CFAP47: variants seen among roughly 807,000 people sequenced by gnomAD.
CFAP47 encodes cilia- and flagella-associated protein 47.
CFAP47 carries 29 observed loss-of-function variants against 148.1 expected under a neutral mutation model. The ratio of observed to expected loss-of-function variants is 0.20; its 90% CI spans 0.15 to 0.27. The LOEUF is 0.27. Among genes scored for constraint, CFAP47 ranks in the 10% least tolerant of loss-of-function variants. The probability of loss-of-function intolerance (pLI) is 1.00; values close to 1 mark genes in which losing one functional copy is unlikely to be tolerated. For synonymous variants in CFAP47, 664 were observed against 577.3 expected, an observed-to-expected ratio of 1.15 and a Z score of -2.15; for missense variants, 1,872 against 1,697.5, an observed-to-expected ratio of 1.10 and a Z score of -1.81.
At chrX:36,115,285 AT>A (rs1938621129) in intron 33 of CFAP47, among the ~76,000 whole-genome samples, 1 of 112,053 alleles carries the variant, frequency 8.9e-6, no homozygotes, top group Non-Finnish European at 1.9e-5. Flanking sequence ...ATTAGCAAAA[AT>A]AAAAAATCAT....
intron 57 of CFAP47, among the ~76,000 whole-genome samples, chrX:36,334,025 A>C (rs1326411031): frequency 1.8e-5 from 2 of 111,653 alleles, no homozygotes; most frequent in Admixed American, 1.9e-4. Context: ...AATGTGCTGA[A>C]AGGGATCACA....
intron 13 of CFAP47, among the ~76,000 whole-genome samples, chrX:35,974,124 A>C (rs1936534810): frequency 8.9e-6 from 1 of 111,771 alleles, no homozygotes. Context: ...AACCAGGTTA[A>C]GTAGATCGAG....
chrX:36,285,273 C>T (rs1941120611), intron 50 of CFAP47, among the ~76,000 whole-genome samples: 1 of 111,255 alleles, frequency 9.0e-6, no homozygotes, highest in African/African-American at 3.3e-5. Context: ...TGTACAAATA[C>T]ATGAATAGTT....
chrX:36,359,712 C>T (rs1218216907), intron 60 of CFAP47, among the ~76,000 whole-genome samples: 2 of 111,521 alleles, frequency 1.8e-5, no homozygotes, highest in Non-Finnish European at 3.8e-5. Flanking sequence ...GTGACAAACT[C>T]GTTCAGCTTT....
intron 39 of CFAP47, among the ~76,000 whole-genome samples, chrX:36,166,463 A>G (rs1044213527): frequency 5.5e-5 from 6 of 109,892 alleles, no homozygotes; most frequent in Non-Finnish European, 1.1e-4. Context: ...TATAATTTCA[A>G]TTTCTTTGTT....
At chrX:36,106,264 A>C (rs990704163) in intron 33 of CFAP47, among the ~76,000 whole-genome samples, 1 of 112,272 alleles carries the variant, frequency 8.9e-6, no homozygotes, top group African/African-American at 3.2e-5. Context: ...TAAATTAGAC[A>C]AGATTGCTCT....
chrX:36,322,646 T>C (rs1941487900), intron 57 of CFAP47, among the ~76,000 whole-genome samples: 1 of 111,338 alleles, frequency 9.0e-6, no homozygotes, highest in African/African-American at 3.2e-5. Flanking sequence ...AGTTTATTAA[T>C]TATAATTTCT....
intron 36 of CFAP47, among the ~76,000 whole-genome samples, chrX:36,145,889 A>C (rs1569272837): frequency 9.1e-6 from 1 of 110,292 alleles, no homozygotes; most frequent in East Asian, 2.9e-4. Context: ...AAAAAAAAAA[A>C]CAAAACCCAG....
chrX:36,199,236 A>G (rs1424796769), intron 42 of CFAP47, among the ~76,000 whole-genome samples: 1 of 111,590 alleles, frequency 9.0e-6, no homozygotes, highest in Non-Finnish European at 1.9e-5. Context: ...TTAAAACTCT[A>G]GGTTCCTAAA....
chrX:36,232,369 C>A (rs1555992906), intron 46 of CFAP47, among the ~76,000 whole-genome samples: 1 of 111,782 alleles, frequency 8.9e-6, no homozygotes, highest in East Asian at 2.8e-4. Context: ...GGAATTTATC[C>A]ATTTCTTCTA....
chrX:36,247,248 G>A (rs1485229673), intron 48 of CFAP47, among the ~76,000 whole-genome samples: 1 of 110,553 alleles, frequency 9.0e-6, no homozygotes. Context: ...CATAGAGATA[G>A]GAACAATAGA....
chrX:36,108,936 G>C (rs919211245), intron 33 of CFAP47, among the ~76,000 whole-genome samples: 2 of 109,602 alleles, frequency 1.8e-5, no homozygotes, highest in Non-Finnish European at 3.8e-5. Context: ...TATTTCTTCT[G>C]ATGCTCTCCC....
At chrX:36,008,631 A>T (rs1937006129) in intron 21 of CFAP47, among the ~76,000 whole-genome samples, 1 of 109,470 alleles carries the variant, frequency 9.1e-6, no homozygotes, top group Non-Finnish European at 1.9e-5. Flanking sequence ...ATAGCCGGGC[A>T]TGGTGATGCT....
intron 46 of CFAP47, among the ~76,000 whole-genome samples, chrX:36,229,388 T>C (rs1471749114): frequency 2.7e-5 from 3 of 111,544 alleles, no homozygotes; most frequent in Non-Finnish European, 5.7e-5. Context: ...GTGAGCAACA[T>C]ACCAGGTAGA....
intron 24 of CFAP47, among the ~76,000 whole-genome samples, chrX:36,036,212 C>T (rs768683037): frequency 5.9e-4 from 65 of 111,045 alleles, no homozygotes; most frequent in Non-Finnish European, 1.0e-3. Flanking sequence ...TCCCCATTTC[C>T]CCCACTCCCA....
intron 3 of CFAP47, among the ~76,000 whole-genome samples, chrX:35,942,473 G>C (rs903106401): frequency 9.0e-6 from 1 of 111,388 alleles, no homozygotes; most frequent in Non-Finnish European, 1.9e-5. Context: ...ATAGAATTAG[G>C]CTCGTTTGTG....
intron 37 of CFAP47, among the ~76,000 whole-genome samples, chrX:36,156,751 C>A (rs922425083): frequency 4.5e-5 from 5 of 110,970 alleles, no homozygotes; most frequent in Admixed American, 3.8e-4. Context: ...TCTAAGTAGA[C>A]TACACATTTG....
At position 36,382,707 on chromosome X, in the gene CFAP47, A is replaced by G. The variant is rs782460930; in HGVS notation, c.9355-2090A>G. 3.6e-5 allele frequency among the ~76,000 whole-genome samples: 4 copies of G among 111,652 alleles called. No homozygotes were observed. The East Asian group carries it at 1.1e-3, about 31-fold the overall frequency. ...CACGGACTTTGGGTGATCTCTTTTCAGAACACAGAGAGACACAACCTGAAT... is the reference window on the plus strand; with the variant it reads ...CACGGACTTTGGGTGATCTCTTTTCGGAACACAGAGAGACACAACCTGAAT... On this transcript the variant is annotated intron_variant, in intron 63 of 63. Coordinates refer to ENST00000378653, the MANE Select transcript of CFAP47 (RefSeq NM_001304548.2).
chrX:35,966,448 A>G (rs1400494702), intron 8 of CFAP47, 117 bp from the exon 9 acceptor site: 1 of 357,170 alleles, frequency 2.8e-6, no homozygotes, highest in Non-Finnish European at 4.4e-6. Flanking sequence ...GTACTTTCAT[A>G]TTACCATTAT....
Sources: allele counts gnomAD v4.1 joint callset (sites outside exome capture counted in the v4.1 genomes callset), GRCh38; gene constraint gnomAD v4.1.1; transcripts MANE v1.5; gene names NCBI Gene and HGNC (gene_info 2026-07-23, HGNC 2026-07-21).